The following CHD1L variants were observed in gnomAD, a reference collection of about 807,000 sequenced individuals.
CHD1L encodes chromodomain helicase DNA binding protein 1 like, also known as ATP-dependent chromatin remodeler CHD1L.
CHD1L carries 118 observed loss-of-function variants against 115.9 expected under a neutral mutation model. That is an observed-to-expected ratio of 1.02 (90% CI 0.88 to 1.19). The LOEUF (loss-of-function observed/expected upper bound fraction) is 1.19. Ranked by LOEUF, CHD1L falls within the 50% of genes most tolerant of loss-of-function variation. CHD1L has a pLI of 0.00. For missense variants in CHD1L, 1,179 were observed against 1,065.3 expected (o/e 1.11, Z -1.49); for synonymous variants, 411 against 387.1 (o/e 1.06, Z -0.72).
chr1:147,184,460 G>T, the CHD1L span: 1 of 1,403,344 alleles, frequency 7.1e-7, no homozygotes, highest in Non-Finnish European at 9.3e-7. This position sits in a 1 kb window ranked among gnomAD's most constrained non-coding sequence, Gnocchi z 4.4. Flanking sequence ...TGTTGCAGGA[G>T]TCCATCCAGG....
At chr1:147,178,403 T>C in the CHD1L span, 3 of 1,611,010 alleles carry the variant, frequency 1.9e-6, no homozygotes, top group East Asian at 6.7e-5. Context: ...AAATATGGAG[T>C]CAGTGGATAT....
At chr1:147,255,135 A>G (rs1669669161) in intron 3 of CHD1L, among the ~76,000 whole-genome samples, 159 bp downstream of exon 3, 1 of 152,232 alleles carries the variant, frequency 6.6e-6, no homozygotes, top group Non-Finnish European at 1.5e-5. Context: ...CTGAGGATAT[A>G]ATAGGGGAAG....
Position 147,259,893 on chromosome 1 carries a change from CCCTGCTGCATAAGA to C in CHD1L, c.555_568del (p.Leu186ValfsTer33), listed in dbSNP as rs1310102266. The C allele has an allele frequency of 6.2e-7, 1 of 1,613,660 alleles. No individual in the cohort carries two copies. Among genetic ancestry groups the C allele is most frequent in the Non-Finnish European group, 8.5e-7 (1 of 1,179,776 alleles). ...GCTCACAGGTTGAAAAACCAAAGCTCCCTGCTGCATAAGACCTTGTCAGAGGTAAACTTACAGTG... is the reference window on the plus strand; with the variant it reads ...GCTCACAGGTTGAAAAACCAAAGCTCCCTTGTCAGAGGTAAACTTACAGTG... On this transcript the variant is annotated frameshift_variant, in exon 6 of 23. Transcript: ENST00000369258. LOFTEE classifies it high-confidence loss of function.
intron 19 of CHD1L, among the ~76,000 whole-genome samples, chr1:147,289,280 G>A (rs782486730): frequency 1.3e-5 from 2 of 152,078 alleles, no homozygotes; most frequent in Non-Finnish European, 2.9e-5. Flanking sequence ...AACAGACCTG[G>A]AAAACACCTC....
intron 6 of CHD1L, 123 bp downstream of exon 6, chr1:147,260,041 ATGTCCCCACACATGTACAGCTGTCCCC>A: frequency 1.4e-6 from 1 of 693,012 alleles, no homozygotes; most frequent in Non-Finnish European, 2.4e-6. Context: ...TCCCATGCAT[ATGTCCCCACACATGTACAGCTGTCCCC>A]TGTCCCCACA....
chr1:147,229,222 C>T, the CHD1L span, among the ~76,000 whole-genome samples: 1 of 152,210 alleles, frequency 6.6e-6, no homozygotes, highest in African/African-American at 2.4e-5. Flanking sequence ...CAGCTTTCTA[C>T]ATACAGCTAG....
At chr1:147,213,367 C>A in the CHD1L span, 1 of 1,613,672 alleles carries the variant, frequency 6.2e-7, no homozygotes, top group Non-Finnish European at 8.5e-7. Flanking sequence ...AACCATGACT[C>A]CATCAAAGAC....
chr1:147,275,979 T>A (rs782623062), intron 13 of CHD1L, 125 bp from the exon 14 acceptor site: 2 of 913,370 alleles, frequency 2.2e-6, no homozygotes, highest in Non-Finnish European at 3.4e-6. Flanking sequence ...TGAACCAATC[T>A]CCCTTTCATT....
chr1:147,184,605 T>A, the CHD1L span: 1 of 1,547,992 alleles, frequency 6.5e-7, no homozygotes, highest in Non-Finnish European at 8.7e-7. The surrounding 1 kb of genome is among the most constrained non-coding windows in gnomAD (Gnocchi z 4.4). Context: ...AACTTGGGTT[T>A]GTCTGATGTT....
chr1:147,225,460 C>A, the CHD1L span: 167 of 167,786 alleles, frequency 1.0e-3, 1 homozygote, highest in African/African-American at 3.7e-3. Context: ...CTCAGCGGCA[C>A]CCATTCTCCC....
intron 10 of CHD1L, 145 bp from the exon 11 acceptor site, chr1:147,270,787 G>A (rs1376625161): frequency 1.5e-6 from 1 of 648,882 alleles, no homozygotes; most frequent in Non-Finnish European, 2.7e-6. Context: ...TGGAGGTTCT[G>A]AGGCAGTCTA....
intron 7 of CHD1L, 25 bp from the exon 8 acceptor site, chr1:147,265,904 ACTT>A: frequency 5.0e-6 from 8 of 1,591,142 alleles, no homozygotes; most frequent in South Asian, 1.2e-5. Context: ...TTTGTCCCAC[ACTT>A]CTTGTATTTT....
At chr1:147,233,860 GC>G in the CHD1L span, among the ~76,000 whole-genome samples, 5 of 151,940 alleles carry the variant, frequency 3.3e-5, no homozygotes, top group South Asian at 1.0e-3. Context: ...TAAGGGCGGT[GC>G]AAGATGTGCT....
the CHD1L span, among the ~76,000 whole-genome samples, chr1:147,180,204 G>T: frequency 2.0e-5 from 3 of 152,154 alleles, no homozygotes; most frequent in South Asian, 6.2e-4. Flanking sequence ...GTGTCATGTT[G>T]TATAGTCAGA....
the CHD1L span, among the ~76,000 whole-genome samples, chr1:147,229,924 T>A: frequency 2.0e-5 from 3 of 151,178 alleles, no homozygotes; most frequent in Non-Finnish European, 4.4e-5. Flanking sequence ...GACAATGGGG[T>A]TTTCTAGATA....
intron 15 of CHD1L, 136 bp from the exon 16 acceptor site, chr1:147,284,215 A>G (rs904692111): frequency 1.6e-6 from 1 of 625,392 alleles, no homozygotes; most frequent in African/African-American, 1.9e-5. Context: ...GGGAAATGAA[A>G]TACCTTCCTT....
the CHD1L span, chr1:147,213,468 G>A: frequency 1.3e-6 from 2 of 1,597,316 alleles, no homozygotes; most frequent in East Asian, 2.2e-5. Context: ...TGCACACAGT[G>A]GTCTGAAAAG....
intron 14 of CHD1L, among the ~76,000 whole-genome samples, chr1:147,277,551 CTTTG>C (rs1401041681): frequency 3.3e-5 from 5 of 152,020 alleles, no homozygotes; most frequent in East Asian, 1.9e-4. Context: ...TGGGTTTGTT[CTTTG>C]TTTATCTTAG....
At chr1:147,268,928 C>T in intron 10 of CHD1L, 50 bp downstream of exon 10, 3 of 1,437,030 alleles carry the variant, frequency 2.1e-6, no homozygotes, top group Non-Finnish European at 2.9e-6. Flanking sequence ...CTGTTAAAAC[C>T]TGACTATTGA....
Sources: allele counts gnomAD v4.1 joint callset (sites outside exome capture counted in the v4.1 genomes callset), GRCh38; gene constraint gnomAD v4.1.1; non-coding constraint Gnocchi (gnomAD v3.1); transcripts MANE v1.5; gene names NCBI Gene and HGNC (gene_info 2026-07-23, HGNC 2026-07-21).